Variants in IL6R observed in about 807,000 individuals in gnomAD.
IL6R encodes the protein interleukin 6 receptor.
In IL6R, 38 loss-of-function variants were observed where a neutral mutation model predicts 48.3. The ratio of observed to expected loss-of-function variants is 0.79; its 90% CI spans 0.61 to 1.03. The LOEUF (loss-of-function observed/expected upper bound fraction) is 1.03, where lower values mean the gene tolerates loss of function less well. Among genes scored for constraint, IL6R ranks in the 50% least tolerant of loss-of-function variants. IL6R has a pLI of 0.00. For missense variants in IL6R, 534 were observed against 618.3 expected (o/e 0.86, Z 1.45); for synonymous variants, 264 against 256.2 (o/e 1.03, Z -0.29).
At chr1:154,416,406 A>G (rs564706795) in intron 1 of IL6R, among the ~76,000 whole-genome samples, 115 of 151,924 alleles carry the variant, frequency 7.6e-4, no homozygotes, top group African/African-American at 2.7e-3. Flanking sequence ...CAGCCTCCCA[A>G]AGTGTTGGCA....
At chr1:154,434,451 C>G in intron 3 of IL6R, 68 bp from the exon 4 acceptor site, 1 of 1,402,536 alleles carries the variant, frequency 7.1e-7, no homozygotes. Flanking sequence ...TCCACTTCCC[C>G]CTTCTGTCCC....
intron 6 of IL6R, among the ~76,000 whole-genome samples, chr1:154,447,450 A>T (rs369038007): frequency 0.16 from 10,409 of 66,754 alleles, 1,521 homozygotes; most frequent in Non-Finnish European, 0.19. Context: ...AAAAAAAAAA[A>T]AAAAATATAT....
intron 4 of IL6R, 106 bp downstream of exon 4, chr1:154,434,806 G>T: frequency 7.8e-7 from 1 of 1,284,168 alleles, no homozygotes. Flanking sequence ...GGGGTTTGGT[G>T]AGTTGGTGCC....
intron 1 of IL6R, chr1:154,414,732 G>T: frequency 1.2e-6 from 1 of 804,352 alleles, no homozygotes; most frequent in South Asian, 1.4e-5. Context: ...GGGACACAGG[G>T]TTTTTGGTGT....
chr1:154,444,204 C>A (rs1467174739), intron 6 of IL6R, among the ~76,000 whole-genome samples: 1 of 148,674 alleles, frequency 6.7e-6, no homozygotes, highest in African/African-American at 2.5e-5. Context: ...ATTAAAGTTG[C>A]TAGCTTTTTT....
chr1:154,465,979 G>C lies in IL6R; in HGVS notation c.*599G>C, dbSNP rs531671897. 1 of 155,772 alleles carries C rather than the reference G, an allele frequency of 6.4e-6. No homozygotes were observed. Among genetic ancestry groups the C allele is most frequent in the Admixed American group, 6.3e-5 (1 of 15,906 alleles). 9.6% of individuals were successfully genotyped at this position (155,772 alleles called of 1,614,324 possible). On this transcript the variant is annotated 3_prime_UTR_variant, in exon 10 of 10. Transcript: ENST00000368485. ...CTACAGTTGAAAAACAGCTGAGGGT[G>C]AGTGGGTGAATAATACAGTATCTCA... is the stretch of plus-strand genomic sequence containing the variant.
At chr1:154,449,431 T>G (rs997823130) in intron 7 of IL6R, among the ~76,000 whole-genome samples, 1 of 152,136 alleles carries the variant, frequency 6.6e-6, no homozygotes, top group African/African-American at 2.4e-5. Context: ...GAGAATCGCT[T>G]GAACCTGGGA....
chr1:154,458,112 G>A (rs1389830288), intron 9 of IL6R, among the ~76,000 whole-genome samples: 2 of 151,574 alleles, frequency 1.3e-5, no homozygotes, highest in African/African-American at 4.8e-5. Context: ...GACTACAGGC[G>A]CCCACCACCA....
chr1:154,459,731 CA>C (rs1333198690), intron 9 of IL6R, among the ~76,000 whole-genome samples: 3 of 152,132 alleles, frequency 2.0e-5, no homozygotes, highest in Non-Finnish European at 4.4e-5. Flanking sequence ...CAATTCCTCC[CA>C]CCCTATTCTC....
rs772345022 is a variant in IL6R, at chr1:154,435,010, A to T, written c.661A>T (p.Asn221Tyr). The change falls in exon 5 of 10, where the codon AAC (asparagine) becomes TAC (tyrosine). Residue 221 changes from asparagine (N) to tyrosine (Y), a missense_variant. Asn to Tyr is a moderately radical substitution (Grantham distance 143, BLOSUM62 -2). Transcript: ENST00000368485. ...CACAGTGCAGCCTGATCCGCCTGCC[A>T]ACATCACAGTCACTGCCGTGGCCAG... is the stretch of plus-strand genomic sequence containing the variant. The part of the protein sequence containing the change: ...CGILQPDPPA[N>Y]ITVTAVARNP... 1.9e-6 allele frequency: 3 copies of T among 1,614,168 alleles called. No homozygotes were observed. Among genetic ancestry groups the T allele is most frequent in the East Asian group, 4.5e-5 (2 of 44,892 alleles).
At chr1:154,433,450 T>G (rs1389053143) in intron 3 of IL6R, among the ~76,000 whole-genome samples, 1 of 152,190 alleles carries the variant, frequency 6.6e-6, no homozygotes, top group Non-Finnish European at 1.5e-5. Flanking sequence ...GTCTCTGGAG[T>G]GGCATTTCTG....
In IL6R at chr1:154,465,528, CA is replaced by C. The variant is rs1691516446; in HGVS notation, c.*149del. 1 of 858,334 alleles carries C rather than the reference CA, an allele frequency of 1.2e-6. No individual in the cohort carries two copies. Among genetic ancestry groups the C allele is most frequent in the Non-Finnish European group, 1.8e-6 (1 of 556,870 alleles). The allele number at this position is 858,334 out of a possible 1,614,324, so 53.2% of individuals were successfully genotyped here. A position where few individuals can be genotyped will look rare whatever the true frequency, so the allele number is the denominator to read the frequency against. The stretch of plus-strand genomic sequence containing the variant: ...AAGAGCCTTGCGGAAGGTTCTACGC[CA>C]GGGGAAAATCAGCCTGCTCCAGCTG... On this transcript the variant is annotated 3_prime_UTR_variant, in exon 10 of 10. Transcript: ENST00000368485.
chr1:154,463,589 C>A (rs1313455774), intron 9 of IL6R, among the ~76,000 whole-genome samples: 1 of 152,196 alleles, frequency 6.6e-6, no homozygotes, highest in Non-Finnish European at 1.5e-5. Context: ...GGGAGGCCAC[C>A]TTGTTCCCAC....
At chr1:154,451,047 CTG>C (rs1558326665) in intron 8 of IL6R, among the ~76,000 whole-genome samples, 1 of 152,286 alleles carries the variant, frequency 6.6e-6, no homozygotes, top group South Asian at 2.1e-4. Flanking sequence ...AAATTGGTAA[CTG>C]TGACAAAGAC....
Position 154,432,450 on chromosome 1 carries a change from C to T in IL6R, c.458+1844C>T, listed in dbSNP as rs188705523. On this transcript the variant is annotated intron_variant, in intron 3 of 9. Transcript: ENST00000368485. ...TCGGCTCACTGCAATCTCCGCCTCC[C>T]GGGCTCAAGCGATTCTCCTGCCTCA... Among the ~76,000 whole-genome samples the T allele has an allele frequency of 1.5e-4, 23 of 151,706 alleles. 1 individual carries two copies. In the East Asian group the frequency reaches 3.9e-3, roughly 26 times the overall value.
intron 8 of IL6R, among the ~76,000 whole-genome samples, chr1:154,451,135 G>T (rs1468918160): frequency 1.3e-5 from 2 of 152,238 alleles, no homozygotes; most frequent in African/African-American, 4.8e-5. Flanking sequence ...AGTATATCAA[G>T]CTGAGCAGTC....
chr1:154,442,785 CTTCTT>C (rs1299647658), intron 6 of IL6R, among the ~76,000 whole-genome samples: 6 of 133,838 alleles, frequency 4.5e-5, no homozygotes, highest in African/African-American at 1.6e-4. Context: ...AAATCATTTT[CTTCTT>C]TTTTTTTTTT....
At chr1:154,447,686 T>TTTTG (rs1558323953) in intron 6 of IL6R, among the ~76,000 whole-genome samples, 2 of 148,430 alleles carry the variant, frequency 1.3e-5, no homozygotes, top group African/African-American at 2.5e-5. Context: ...AGCATGCTGT[T>TTTTG]TTTTGTTTTG....
chr1:154,458,077 C>T (rs1337961433), intron 9 of IL6R, among the ~76,000 whole-genome samples: 1 of 151,836 alleles, frequency 6.6e-6, no homozygotes, highest in Non-Finnish European at 1.5e-5. Context: ...CGCCATTCTC[C>T]CGCCTCAGCC....
Sources: gnomAD v4.1 joint callset for allele counts (sites outside exome capture counted in the v4.1 genomes callset) on GRCh38, gnomAD v4.1.1 for gene constraint, MANE v1.5 for transcripts, NCBI Gene and HGNC (gene_info 2026-07-23, HGNC 2026-07-21) for gene names.